Variants in APP observed in about 807,000 individuals in gnomAD.
APP encodes amyloid-beta precursor protein.
In APP, 31 loss-of-function variants were observed where a neutral mutation model predicts 101.4. The ratio of observed to expected loss-of-function variants is 0.31; its 90% CI spans 0.23 to 0.41. The LOEUF is 0.41. APP is among the 10% of genes least tolerant of loss of function. APP has a pLI of 1.00. For synonymous variants in APP, 366 were observed against 364.4 expected (o/e 1.00, Z -0.05); for missense variants, 839 against 1,003.7 (o/e 0.84, Z 2.22).
intron 2 of APP, among the ~76,000 whole-genome samples, chr21:26,091,190 A>G (rs1465623207): frequency 1.3e-5 from 2 of 152,246 alleles, no homozygotes; most frequent in African/African-American, 4.8e-5. Flanking sequence ...GGGAATGATT[A>G]GAATGCTGGG....
chr21:26,123,705 T>C (rs2062622198), intron 1 of APP, among the ~76,000 whole-genome samples: 1 of 152,182 alleles, frequency 6.6e-6, no homozygotes. Context: ...TTCTATTTTC[T>C]TGACTATATT....
chr21:26,059,890 C>CAAAAAAA lies in APP; in HGVS notation c.356-6549_356-6543dup, dbSNP rs57594630. 1.3e-4 allele frequency among the ~76,000 whole-genome samples: 9 copies of CAAAAAAA among 70,658 alleles called. No individual in the cohort carries two copies. The East Asian group carries it at 1.7e-3, about 13-fold the overall frequency. 46.4% of individuals were successfully genotyped at this position (70,658 alleles called of 152,430 possible). ...TGAGCGAAAGAGCGAGACTCCGTCTCAAAAAAAAAAAAAAAAAAAAAAAAA... is the reference window on the plus strand; with the variant it reads ...TGAGCGAAAGAGCGAGACTCCGTCTCAAAAAAAAAAAAAAAAAAAAAAAAAAAAAAAA... On this transcript the variant is annotated intron_variant, in intron 3 of 17. Transcript: ENST00000346798.
At position 25,954,665 on chromosome 21, in the gene APP, A is replaced by G. The variant is rs779792929; in HGVS notation, c.1612T>C (p.Tyr538His). 6.3e-5 allele frequency: 102 copies of G among 1,613,898 alleles called. No individual in the cohort carries two copies. Among genetic ancestry groups the G allele is most frequent in the Non-Finnish European group, 8.3e-5 (98 of 1,179,946 alleles). Reference protein sequence around the residue: ...SQVMTHLRVIYERMNQSLSLL... With the variant: ...SQVMTHLRVIHERMNQSLSLL... ...GAGAGAGACTGATTCATGCGCTCATAAATCACACGGAGGTGTGTCATAACC... is the reference window on the plus strand; with the variant it reads ...GAGAGAGACTGATTCATGCGCTCATGAATCACACGGAGGTGTGTCATAACC... Residue 538 changes from tyrosine (Y) to histidine (H), a missense_variant, in exon 13 of 18, where the codon TAT becomes CAT. By Grantham distance (83) the Tyr-to-His change is moderately conservative. Transcript: ENST00000346798.
chr21:26,104,750 A>G (rs1307708400), intron 2 of APP, among the ~76,000 whole-genome samples: 1 of 152,212 alleles, frequency 6.6e-6, no homozygotes. Flanking sequence ...ATTTATCATC[A>G]TGTTAAGCTA....
chr21:26,064,463 A>T (rs1426133628), intron 3 of APP, among the ~76,000 whole-genome samples: 1 of 152,224 alleles, frequency 6.6e-6, no homozygotes, highest in Non-Finnish European at 1.5e-5. Context: ...TCACATAATA[A>T]GGTGTCATGC....
chr21:25,888,599 T>C (rs913266628), intron 17 of APP, among the ~76,000 whole-genome samples: 1 of 152,112 alleles, frequency 6.6e-6, no homozygotes, highest in African/African-American at 2.4e-5. Flanking sequence ...AGGCTTCCAG[T>C]TGCTCTCCAG....
chr21:26,059,018 T>C (rs960998725), intron 3 of APP, among the ~76,000 whole-genome samples: 1 of 151,628 alleles, frequency 6.6e-6, no homozygotes, highest in South Asian at 2.1e-4. Context: ...GAGGCGGAGC[T>C]TGCAGTGAGC....
chr21:26,148,321 C>T (rs766268009), intron 1 of APP, among the ~76,000 whole-genome samples: 3 of 152,192 alleles, frequency 2.0e-5, no homozygotes, highest in Non-Finnish European at 2.9e-5. Context: ...GCCTGGTCAC[C>T]GCTGAAAACA....
chr21:26,013,279 T>C (rs989277075), intron 6 of APP, among the ~76,000 whole-genome samples: 1 of 152,184 alleles, frequency 6.6e-6, no homozygotes, highest in African/African-American at 2.4e-5. Context: ...ATCGCGCCAT[T>C]GCACTCCAGC....
chr21:26,039,603 G>C (rs556126029), intron 5 of APP, among the ~76,000 whole-genome samples: 1 of 152,178 alleles, frequency 6.6e-6, no homozygotes, highest in East Asian at 1.9e-4. Context: ...CCACAGGCAC[G>C]TGTGGCCTAC....
intron 13 of APP, among the ~76,000 whole-genome samples, chr21:25,947,829 CCT>C (rs1425598113): frequency 2.2e-4 from 33 of 151,730 alleles, no homozygotes; most frequent in African/African-American, 7.0e-4. Context: ...ATGGTGAAAC[CCT>C]GTCTCTACTA....
intron 2 of APP, among the ~76,000 whole-genome samples, chr21:26,098,648 T>A (rs939561328): frequency 1.3e-5 from 2 of 152,216 alleles, no homozygotes; most frequent in South Asian, 4.1e-4. Context: ...AACAAAAGGC[T>A]GAAAACAAAG....
intron 15 of APP, among the ~76,000 whole-genome samples, chr21:25,898,883 A>C (rs1403198885): frequency 1.2e-4 from 18 of 152,142 alleles, no homozygotes; most frequent in Admixed American, 1.2e-3. Flanking sequence ...CTTGTCTACG[A>C]GATTCTGGGA....
chr21:26,148,544 A>C lies in APP; in HGVS notation c.57+22020T>G, dbSNP rs148220133. On this transcript the variant is annotated intron_variant, in intron 1 of 17. Coordinates refer to ENST00000346798, the MANE Select transcript of APP (RefSeq NM_000484.4). Reference sequence around the variant, plus strand: ...ATGTATGTAGAATTACAAATAAGTTATTCTGTTTTCAGGCATCAAAAATGT... The same window carrying C: ...ATGTATGTAGAATTACAAATAAGTTCTTCTGTTTTCAGGCATCAAAAATGT... Among the ~76,000 whole-genome samples, 302 of 152,362 alleles carry C rather than the reference A, an allele frequency of 2.0e-3. 2 individuals carry two copies. Among genetic ancestry groups the C allele is most frequent in the Non-Finnish European group, 3.7e-3 (249 of 68,030 alleles).
At chr21:25,909,568 G>GA in intron 14 of APP, among the ~76,000 whole-genome samples, 1 of 1,918 alleles carries the variant, frequency 5.2e-4, no homozygotes. Flanking sequence ...CAATTACCAA[G>GA]GGTTCACAGT....
chr21:25,891,799 T>C lies in APP; in HGVS notation c.2134A>G (p.Ile712Val), dbSNP rs1267205939. The change falls in exon 17 of 18, where the codon ATA becomes GTA. Residue 712 changes from isoleucine (I) to valine (V), a missense_variant. Physicochemically the swap from Ile to Val is conservative, Grantham distance 29. Coordinates refer to ENST00000346798, the MANE Select transcript of APP (RefSeq NM_000484.4). ...IIGLMVGGVV[I>V]ATVIVITLVM... is the part of the protein sequence containing the mutation. Reference sequence around the variant, plus strand: ...AAGGTGATGACGATCACTGTCGCTATGACAACACCGCCCACCATGAGTCCA... The same window carrying C: ...AAGGTGATGACGATCACTGTCGCTACGACAACACCGCCCACCATGAGTCCA... 1 of 1,614,174 alleles carries C rather than the reference T, an allele frequency of 6.2e-7. No individual in the cohort carries two copies. The highest frequency in any genetic ancestry group is 8.5e-7 in the Non-Finnish European group (1 of 1,180,010).
In APP at chr21:25,897,042, T is replaced by C. The variant is rs1311280968; in HGVS notation, c.2064+531A>G. ...AGTGGAAGTCAAAGTGGCTGCTATA[T>C]TGAAATTAATTCCACTTTAAGTCCC... On this transcript the variant is annotated intron_variant, in intron 16 of 17. Coordinates refer to ENST00000346798, the MANE Select transcript of APP (RefSeq NM_000484.4). Among the ~76,000 whole-genome samples the C allele has an allele frequency of 2.0e-5, 3 of 152,222 alleles. No individual in the cohort carries two copies. The South Asian group carries it at 6.2e-4, about 32-fold the overall frequency.
At chr21:26,101,382 C>T (rs1488230658) in intron 2 of APP, among the ~76,000 whole-genome samples, 1 of 152,132 alleles carries the variant, frequency 6.6e-6, no homozygotes, top group Non-Finnish European at 1.5e-5. Flanking sequence ...CAGGTGTGAG[C>T]CATGGCACCC....
At chr21:26,070,962 C>A (rs998417504) in intron 3 of APP, among the ~76,000 whole-genome samples, 1 of 152,146 alleles carries the variant, frequency 6.6e-6, no homozygotes, top group Non-Finnish European at 1.5e-5. Flanking sequence ...TCCTTTGCTA[C>A]TTTTCTGCTT....
Sources: gnomAD v4.1 joint callset for allele counts (sites outside exome capture counted in the v4.1 genomes callset) on GRCh38, gnomAD v4.1.1 for gene constraint, MANE v1.5 for transcripts, NCBI Gene and HGNC (gene_info 2026-07-23, HGNC 2026-07-21) for gene names.